Variants in SMOC2 observed in about 807,000 individuals in gnomAD.
SMOC2 encodes SPARC-related modular calcium-binding protein 2.
In SMOC2, 39 loss-of-function variants were observed where a neutral mutation model predicts 61.4. The ratio of observed to expected loss-of-function variants is 0.64; its 90% CI spans 0.49 to 0.83. The LOEUF is 0.83. SMOC2 is among the 40% of genes least tolerant of loss of function. The pLI is 0.00. For missense variants in SMOC2, 556 were observed against 592.9 expected, an observed-to-expected ratio of 0.94 and a Z score of 0.65; for synonymous variants, 247 against 239.9, an observed-to-expected ratio of 1.03 and a Z score of -0.27.
Position 168,441,433 on chromosome 6 carries a change from T to A in SMOC2, c.63T>A (p.Ala21=). 2 of 1,508,100 alleles carry A rather than the reference T, an allele frequency of 1.3e-6. No homozygotes were observed. The highest frequency in any genetic ancestry group is 1.2e-5 in the South Asian group (1 of 80,418). The allele number at this position is 1,508,100 out of a possible 1,614,324, so 93.4% of individuals were successfully genotyped here. A position where few individuals can be genotyped will look rare whatever the true frequency, so the allele number is the denominator to read the frequency against. The part of the protein sequence containing the change: ...LLAGLLPPVP[A]QKFSALTFLR... ...CTGGGCTGCTCCCGCCGGTGCCCGC[T>A]CAGAAGTTCTCGGCGCTCACGGTAA... Residue 21 remains alanine, a synonymous_variant, in exon 1 of 13, where the codon GCT becomes GCA. Coordinates refer to ENST00000356284, the MANE Select transcript of SMOC2 (RefSeq NM_001166412.2).
chr6:168,471,679 A>T (rs984714110), intron 1 of SMOC2, among the ~76,000 whole-genome samples: 8 of 151,230 alleles, frequency 5.3e-5, no homozygotes, highest in Non-Finnish European at 1.2e-4. Flanking sequence ...ATATACAAGG[A>T]CTCTGTTTTC....
At chr6:168,533,136 G>A (rs377764108) in intron 4 of SMOC2, among the ~76,000 whole-genome samples, 29 of 151,904 alleles carry the variant, frequency 1.9e-4, no homozygotes, top group Non-Finnish European at 3.7e-4. Flanking sequence ...TCCTCTCTGC[G>A]GTCTGAATTT....
Position 168,666,452 on chromosome 6 carries a change from C to G in SMOC2, c.*14C>G. 1 of 1,613,762 alleles carries G rather than the reference C, an allele frequency of 6.2e-7. No individual in the cohort carries two copies. The highest frequency in any genetic ancestry group is 8.5e-7 in the Non-Finnish European group (1 of 1,179,942). Reference sequence around the variant, plus strand: ...AAACAAGGATAAATGGCTCATACCCCGAAGGCAGTTCCTAGACACATGGGA... The same window carrying G: ...AAACAAGGATAAATGGCTCATACCCGGAAGGCAGTTCCTAGACACATGGGA... On this transcript the variant is annotated 3_prime_UTR_variant, in exon 13 of 13. Transcript: ENST00000356284.
chr6:168,526,488 C>T lies in SMOC2; in HGVS notation c.363+36C>T, dbSNP rs753627139. 2.1e-5 allele frequency: 32 copies of T among 1,555,204 alleles called. No individual in the cohort carries two copies. The East Asian group carries it at 2.9e-4, about 14-fold the overall frequency. On this transcript the variant is annotated intron_variant, in intron 3 of 12. Coordinates refer to ENST00000356284, the MANE Select transcript of SMOC2 (RefSeq NM_001166412.2). ...TTGCTTGGGAGGTTCTGCACCTGTG[C>T]GATTAGGGAGGGAGATGTGGAGCGG...
At chr6:168,648,954 G>A (rs185791800) in intron 9 of SMOC2, among the ~76,000 whole-genome samples, 41 of 152,268 alleles carry the variant, frequency 2.7e-4, no homozygotes, top group African/African-American at 7.9e-4. Context: ...CATGGTCCAC[G>A]CCAACGTGCC....
intron 1 of SMOC2, among the ~76,000 whole-genome samples, chr6:168,508,035 T>A (rs1412997275): frequency 2.0e-5 from 3 of 152,106 alleles, no homozygotes; most frequent in Non-Finnish European, 4.4e-5. Context: ...GTCACGGTCC[T>A]CAGGTCAGGA....
chr6:168,610,133 G>A (rs1455906501), intron 9 of SMOC2, among the ~76,000 whole-genome samples: 5 of 152,206 alleles, frequency 3.3e-5, no homozygotes, highest in Non-Finnish European at 5.9e-5. Context: ...TGTCAGAGGT[G>A]CCATTTGGAG....
At chr6:168,464,840 A>G (rs1781793488) in intron 1 of SMOC2, among the ~76,000 whole-genome samples, 1 of 152,258 alleles carries the variant, frequency 6.6e-6, no homozygotes, top group Admixed American at 6.5e-5. Context: ...CCAGGGAGGA[A>G]CATTGTAAGT....
Position 168,549,209 on chromosome 6 carries a change from A to C in SMOC2, c.637+6A>C. On this transcript the variant is annotated splice_donor_region_variant and intron_variant, in intron 7 of 12. Coordinates refer to ENST00000356284, the MANE Select transcript of SMOC2 (RefSeq NM_001166412.2). ...CAAAACCAATAAGAATTCAGGTAAG[A>C]TGCTGCCTGATGTCACTTTGTAAGG... The C allele has an allele frequency of 6.2e-7, 1 of 1,612,892 alleles. No homozygotes were observed. The highest frequency in any genetic ancestry group is 1.1e-5 in the South Asian group (1 of 91,048).
chr6:168,473,718 A>G (rs1427927202), intron 1 of SMOC2, among the ~76,000 whole-genome samples: 1 of 152,118 alleles, frequency 6.6e-6, no homozygotes, highest in Non-Finnish European at 1.5e-5. Context: ...GGGCTGAAAC[A>G]GGTCACCGTA....
chr6:168,512,862 G>A (rs926994193), intron 2 of SMOC2, among the ~76,000 whole-genome samples: 10 of 152,134 alleles, frequency 6.6e-5, no homozygotes, highest in Non-Finnish European at 1.0e-4. Context: ...CAGTGTACCC[G>A]CACACTGAGG....
chr6:168,605,762 G>T (rs1214096241), intron 8 of SMOC2, among the ~76,000 whole-genome samples: 1 of 152,090 alleles, frequency 6.6e-6, no homozygotes, highest in Non-Finnish European at 1.5e-5. Context: ...ATCCTGAAGG[G>T]CTTCAGGGGC....
In SMOC2 at chr6:168,518,581, GTA is replaced by G. The variant is rs200021985; in HGVS notation, c.257-7763_257-7762del. ...TGAGTGCATGTATGTGACAATGCAT[GTA>G]TGTGTGTGAATGTGTGTTCATGTGT... On this transcript the variant is annotated intron_variant, in intron 2 of 12. Transcript: ENST00000356284. Among the ~76,000 whole-genome samples the G allele has an allele frequency of 3.3e-3, 479 of 143,148 alleles. 6 individuals carry two copies. In the East Asian group the frequency reaches 0.034, roughly 10 times the overall value. The allele number at this position is 143,148 out of a possible 152,430, so 93.9% of individuals were successfully genotyped here.
Position 168,475,282 on chromosome 6 carries a change from A to G in SMOC2, c.84+33828A>G, listed in dbSNP as rs1782051485. Among the ~76,000 whole-genome samples, 1 of 151,934 alleles carries G rather than the reference A, an allele frequency of 6.6e-6. No individual in the cohort carries two copies. ...AGCTTGGATAGTCCTGGCATGTTTG[A>G]TGGATGTCACATTTCAATGCCTTTC... On this transcript the variant is annotated intron_variant, in intron 1 of 12. Transcript: ENST00000356284. This position sits in a 1 kb window ranked among gnomAD's most constrained non-coding sequence, Gnocchi z 4.6.
chr6:168,658,596 A>G (rs761053530), intron 11 of SMOC2, among the ~76,000 whole-genome samples: 1 of 152,130 alleles, frequency 6.6e-6, no homozygotes, highest in Non-Finnish European at 1.5e-5. Flanking sequence ...ATTCCTGTCT[A>G]CTAATTTCTT....
At chr6:168,467,134 C>CA (rs1223233962) in intron 1 of SMOC2, among the ~76,000 whole-genome samples, 1 of 116,652 alleles carries the variant, frequency 8.6e-6, no homozygotes, top group Non-Finnish European at 1.8e-5. Context: ...TCAGTGCTCT[C>CA]AAACACACAC....
chr6:168,649,289 G>A (rs1012889875), intron 9 of SMOC2, among the ~76,000 whole-genome samples: 4 of 152,214 alleles, frequency 2.6e-5, no homozygotes, highest in African/African-American at 9.6e-5. Context: ...GGCAGAAGGT[G>A]TGTGGTGTAA....
At chr6:168,629,107 T>G (rs2115244859) in intron 9 of SMOC2, among the ~76,000 whole-genome samples, 1 of 152,374 alleles carries the variant, frequency 6.6e-6, no homozygotes, top group African/African-American at 2.4e-5. Flanking sequence ...GAGAGGAGGC[T>G]TCGCAGTCAC....
chr6:168,489,055 G>T (rs986336992), intron 1 of SMOC2, among the ~76,000 whole-genome samples: 68 of 137,624 alleles, frequency 4.9e-4, no homozygotes, highest in Middle Eastern at 4.8e-3. Flanking sequence ...TGTTTTAGAG[G>T]GAAATATATC....
Sources: allele counts gnomAD v4.1 joint callset (sites outside exome capture counted in the v4.1 genomes callset), GRCh38; gene constraint gnomAD v4.1.1; non-coding constraint Gnocchi (gnomAD v3.1); transcripts MANE v1.5; gene names NCBI Gene and HGNC (gene_info 2026-07-23, HGNC 2026-07-21).